AHCY: variants seen among roughly 807,000 people sequenced by gnomAD.
AHCY encodes adenosylhomocysteinase.
Under a neutral mutation model 45.4 loss-of-function variants are expected in AHCY, and 24 were observed. That is an observed-to-expected ratio of 0.53 (90% confidence interval 0.38 to 0.74). The LOEUF is 0.74. Among genes scored for constraint, AHCY ranks in the 30% least tolerant of loss-of-function variants. The probability of loss-of-function intolerance (pLI) is 0.00; values close to 1 mark genes in which losing one functional copy is unlikely to be tolerated. For synonymous variants in AHCY, 245 were observed against 235.1 expected, an observed-to-expected ratio of 1.04 and a Z score of -0.39; for missense variants, 449 against 594.1, an observed-to-expected ratio of 0.76 and a Z score of 2.54.
chr20:34,244,448 TTAA>T, the AHCY span, among the ~76,000 whole-genome samples: 1 of 152,214 alleles, frequency 6.6e-6, no homozygotes, highest in Non-Finnish European at 1.5e-5. Context: ...ATGATGATGA[TTAA>T]TGTCTAAAAT....
the AHCY span, among the ~76,000 whole-genome samples, chr20:34,251,427 C>G: frequency 1.3e-5 from 2 of 151,926 alleles, no homozygotes; most frequent in Non-Finnish European, 2.9e-5. Flanking sequence ...CCCGCCACCA[C>G]GCCCGGCTGA....
At chr20:34,232,678 T>A in the AHCY span, among the ~76,000 whole-genome samples, 1 of 152,222 alleles carries the variant, frequency 6.6e-6, no homozygotes, top group Non-Finnish European at 1.5e-5. Context: ...GAGAAGCACA[T>A]GATTTTGTAT....
In AHCY at chr20:34,309,028, C is replaced by G. The variant is rs985218477; in HGVS notation, c.-57+2444G>C. ...AAGCTAGGGTACAGTGGCACACTCT[C>G]AGCTCACTGCAACCTCCGCCTCCTG... On this transcript the variant is annotated intron_variant, in intron 1 of 9. Coordinates refer to the AHCY transcript ENST00000538132. Among the ~76,000 whole-genome samples, 4 of 145,248 alleles carry G rather than the reference C, an allele frequency of 2.8e-5. No homozygotes were observed. The Admixed American group carries it at 2.8e-4, about 10-fold the overall frequency.
At chr20:34,305,544 C>T (rs2036887137), upstream of AHCY, among the ~76,000 whole-genome samples, 1 of 151,990 alleles carries the variant, frequency 6.6e-6, no homozygotes, top group Non-Finnish European at 1.5e-5. Flanking sequence ...TGTAGTGAGT[C>T]GTGTCAGTCT....
the AHCY span, among the ~76,000 whole-genome samples, chr20:34,259,623 G>A: frequency 2.0e-5 from 3 of 151,990 alleles, no homozygotes; most frequent in African/African-American, 7.3e-5. Flanking sequence ...ATGGGCACCT[G>A]TAGCCCTAGC....
the AHCY span, among the ~76,000 whole-genome samples, chr20:34,258,700 A>ATATATATATATATATATACACACACAC: frequency 2.6e-5 from 2 of 77,918 alleles, 1 homozygote; most frequent in Non-Finnish European, 4.8e-5. Flanking sequence ...TACATACTAT[A>ATATATATATATATATATACACACACAC]TATATATATT....
At chr20:34,233,478 A>G in the AHCY span, among the ~76,000 whole-genome samples, 1 of 152,124 alleles carries the variant, frequency 6.6e-6, no homozygotes, top group Non-Finnish European at 1.5e-5. Flanking sequence ...CATTTTGCTA[A>G]GTGAAGGAAG....
the AHCY span, among the ~76,000 whole-genome samples, chr20:34,257,058 CTCTT>C: frequency 4.4e-4 from 55 of 124,112 alleles, no homozygotes; most frequent in East Asian, 1.6e-3. Flanking sequence ...CTTTCTCTCT[CTCTT>C]TCTTTCTCTT....
Position 34,294,271 on chromosome 20 carries a change from A to AC in AHCY, c.220-116dup. 3.2e-6 allele frequency: 3 copies of AC among 933,216 alleles called. No individual in the cohort carries two copies. In the South Asian group the frequency reaches 4.2e-5, roughly 13 times the overall value. The allele number at this position is 933,216 out of a possible 1,614,324, so 57.8% of individuals were successfully genotyped here. On this transcript the variant is annotated intron_variant, in intron 2 of 9. Coordinates refer to ENST00000217426, the MANE Select transcript of AHCY (RefSeq NM_000687.4). ...GTGGGGAGAGGCTTGGGATCTAGGC[A>AC]CAGCAAGCTCTAGGATCACAGGCTG...
chr20:34,267,459 C>CAAAAA, the AHCY span, among the ~76,000 whole-genome samples: 256 of 46,114 alleles, frequency 5.6e-3, 14 homozygotes, highest in Middle Eastern at 0.014. Flanking sequence ...AACTGGCTCT[C>CAAAAA]AAAAAAAAAA....
downstream of AHCY, among the ~76,000 whole-genome samples, chr20:34,279,613 C>T (rs192958854): frequency 3.9e-5 from 6 of 152,070 alleles, no homozygotes; most frequent in Admixed American, 2.6e-4. Context: ...CACATACACA[C>T]GTAACTTATG....
the AHCY span, chr20:34,241,639 A>ATCCT: frequency 1.5e-6 from 1 of 656,566 alleles, no homozygotes; most frequent in Non-Finnish European, 1.9e-6. Context: ...AGTTAAGAGG[A>ATCCT]GTTCAGTGTG....
the AHCY span, among the ~76,000 whole-genome samples, chr20:34,235,645 A>G: frequency 1.3e-5 from 2 of 151,696 alleles, no homozygotes; most frequent in Non-Finnish European, 1.5e-5. Flanking sequence ...CTGGCTGGGC[A>G]TGGTAGCGCA....
At chr20:34,270,529 A>G in the AHCY span, among the ~76,000 whole-genome samples, 2 of 152,212 alleles carry the variant, frequency 1.3e-5, no homozygotes, top group African/African-American at 4.8e-5. Context: ...AGCAGGCACC[A>G]TTTGGCCCCC....
chr20:34,262,984 TGAAA>T, the AHCY span: 1 of 1,462,192 alleles, frequency 6.8e-7, no homozygotes, highest in Non-Finnish European at 9.4e-7. Flanking sequence ...AGGAACTAAA[TGAAA>T]GATTTTTCAG....
At chr20:34,294,334 C>T (rs1408959565) in intron 2 of AHCY, among the ~76,000 whole-genome samples, 178 bp from the exon 3 acceptor site, 1 of 152,004 alleles carries the variant, frequency 6.6e-6, no homozygotes, top group Non-Finnish European at 1.5e-5. Context: ...AGAGCAGGGG[C>T]GAGATCCAAC....
chr20:34,292,910 C>T (rs2036447324), intron 3 of AHCY, among the ~76,000 whole-genome samples: 1 of 152,106 alleles, frequency 6.6e-6, no homozygotes, highest in Admixed American at 6.5e-5. Context: ...CCCTGAGTGA[C>T]CAGGGCTTGA....
the AHCY span, chr20:34,269,188 G>T: frequency 6.7e-7 from 1 of 1,481,884 alleles, no homozygotes; most frequent in Non-Finnish European, 9.0e-7. Context: ...TCCCGGCCGC[G>T]AGCAGGCAGG....
At chr20:34,268,039 T>G in the AHCY span, among the ~76,000 whole-genome samples, 2 of 152,228 alleles carry the variant, frequency 1.3e-5, no homozygotes, top group Non-Finnish European at 2.9e-5. Context: ...TAAAATGTAG[T>G]TCTAACTAAA....
Sources: gnomAD v4.1 joint callset for allele counts (sites outside exome capture counted in the v4.1 genomes callset) on GRCh38, gnomAD v4.1.1 for gene constraint, MANE v1.5 for transcripts, NCBI Gene and HGNC (gene_info 2026-07-23, HGNC 2026-07-21) for gene names.